Variants in ANKRD44 observed in about 807,000 individuals in gnomAD.
ANKRD44 encodes ankyrin repeat domain 44.
ANKRD44 carries 35 observed loss-of-function variants against 116.0 expected under a neutral mutation model. The ratio of observed to expected loss-of-function variants is 0.30; its 90% CI spans 0.23 to 0.40. The LOEUF (loss-of-function observed/expected upper bound fraction) is 0.40. Among genes scored for constraint, ANKRD44 ranks in the 10% least tolerant of loss-of-function variants. The probability of loss-of-function intolerance (pLI) is 1.00; values close to 1 mark genes in which losing one functional copy is unlikely to be tolerated. For missense variants in ANKRD44, 1,014 were observed against 1,242.6 expected, an observed-to-expected ratio of 0.82 and a Z score of 2.77; for synonymous variants, 435 against 461.8, an observed-to-expected ratio of 0.94 and a Z score of 0.74.
In ANKRD44 at chr2:196,998,931, C is replaced by T. The variant is rs1298035401; in HGVS notation, c.2641G>A (p.Glu881Lys). ...CCCACAGCGCCTGCCTGCCCATTCT[C>T]AGCAGCCATCATCAGTGCTGTTTTC... ...SGKTALMMAA[E>K]NGQAGAVDIL... The change falls in exon 24 of 28, where the codon GAG (glutamate) becomes AAG (lysine). Residue 881 changes from glutamate (E) to lysine (K), a missense_variant. Coordinates refer to ENST00000282272, the MANE Select transcript of ANKRD44 (RefSeq NM_001195144.2). The T allele has an allele frequency of 6.2e-7, 1 of 1,614,200 alleles. No homozygotes were observed. Among genetic ancestry groups the T allele is most frequent in the Non-Finnish European group, 8.5e-7 (1 of 1,180,032 alleles).
chr2:197,066,576 A>G (rs2077438069), intron 16 of ANKRD44, among the ~76,000 whole-genome samples: 1 of 152,236 alleles, frequency 6.6e-6, no homozygotes, highest in Admixed American at 6.5e-5. Context: ...TAAGCTGATA[A>G]GCAACTTCAG....
intron 2 of ANKRD44, among the ~76,000 whole-genome samples, chr2:197,169,039 G>C (rs1200289592): frequency 6.6e-6 from 1 of 152,122 alleles, no homozygotes; most frequent in African/African-American, 2.4e-5. Context: ...TCCTCGCTCA[G>C]CTCTGATGAC....
At chr2:197,170,549 T>C (rs2080207888) in intron 2 of ANKRD44, among the ~76,000 whole-genome samples, 1 of 152,222 alleles carries the variant, frequency 6.6e-6, no homozygotes, top group Admixed American at 6.5e-5. Context: ...ACTGAGTCAC[T>C]GGCAGCAACT....
chr2:197,010,765 C>A (rs756233334), intron 18 of ANKRD44, among the ~76,000 whole-genome samples: 1 of 152,184 alleles, frequency 6.6e-6, no homozygotes, highest in Non-Finnish European at 1.5e-5. Context: ...ATTGTATTTG[C>A]CACATTATGG....
At chr2:197,308,134 G>A (rs2084128449) in intron 1 of ANKRD44, among the ~76,000 whole-genome samples, 1 of 146,766 alleles carries the variant, frequency 6.8e-6, no homozygotes, top group Non-Finnish European at 1.5e-5. Context: ...TCATACTATC[G>A]AGTCAGAGTG....
At position 197,113,920 on chromosome 2, in the gene ANKRD44, T is replaced by C. The variant is rs547140068; in HGVS notation, c.907-3076A>G. Among the ~76,000 whole-genome samples the C allele has an allele frequency of 4.6e-5, 7 of 152,216 alleles. No homozygotes were observed. In the South Asian group the frequency reaches 1.5e-3, roughly 32 times the overall value. On this transcript the variant is annotated intron_variant, in intron 8 of 27. Coordinates refer to ENST00000282272, the MANE Select transcript of ANKRD44 (RefSeq NM_001195144.2). Reference sequence around the variant, plus strand: ...GAAACAGGTAGATAAGGTGGGGAAATTGGGACAGAAAGCATTAAGAGTATC... The same window carrying C: ...GAAACAGGTAGATAAGGTGGGGAAACTGGGACAGAAAGCATTAAGAGTATC...
chr2:197,153,225 C>CAAAAAAAA (rs75600123), intron 2 of ANKRD44, among the ~76,000 whole-genome samples: 7 of 69,324 alleles, frequency 1.0e-4, no homozygotes, highest in African/African-American at 1.8e-4. Context: ...AAGACCCTGC[C>CAAAAAAAA]AAAAAAAAAA....
chr2:197,090,998 C>T lies in ANKRD44; in HGVS notation c.1101-966G>A, dbSNP rs144674322. 3.6e-3 allele frequency among the ~76,000 whole-genome samples: 542 copies of T among 152,308 alleles called. 5 individuals carry two copies. Among genetic ancestry groups the T allele is most frequent in the African/African-American group, 0.013 (524 of 41,560 alleles). ...ATTTGTTCATGAGACCTCATTTTTC[C>T]TGGATGCCAAGCAAGAGCTCAGGAA... On this transcript the variant is annotated intron_variant, in intron 10 of 27. Coordinates refer to ENST00000282272, the MANE Select transcript of ANKRD44 (RefSeq NM_001195144.2).
intron 26 of ANKRD44, 83 bp from the exon 27 acceptor site, chr2:196,993,757 G>A: frequency 8.9e-7 from 1 of 1,126,058 alleles, no homozygotes. Context: ...GTCACTAAAA[G>A]GAAGAAGTAC....
intron 16 of ANKRD44, among the ~76,000 whole-genome samples, chr2:197,072,199 C>T (rs1159136826): frequency 6.6e-6 from 1 of 152,106 alleles, no homozygotes; most frequent in Non-Finnish European, 1.5e-5. Flanking sequence ...CTCTTTAAAA[C>T]AAAAAATCTT....
chr2:197,086,065 T>C (rs1247598461), intron 13 of ANKRD44, among the ~76,000 whole-genome samples: 2 of 151,840 alleles, frequency 1.3e-5, no homozygotes, highest in African/African-American at 2.4e-5. Flanking sequence ...GGAGTTGCCT[T>C]AGACAAGTTG....
intron 16 of ANKRD44, among the ~76,000 whole-genome samples, chr2:197,060,273 T>C (rs866829055): frequency 6.6e-6 from 1 of 152,168 alleles, no homozygotes; most frequent in African/African-American, 2.4e-5. Flanking sequence ...ATCCAGCAGA[T>C]AGAGAAATCA....
intron 6 of ANKRD44, among the ~76,000 whole-genome samples, chr2:197,124,163 A>G (rs2078923536): frequency 6.6e-6 from 1 of 151,548 alleles, no homozygotes; most frequent in Non-Finnish European, 1.5e-5. Context: ...ATCCATGTCA[A>G]CTTTTTTTTT....
chr2:197,155,022 A>G (rs1450919683), intron 2 of ANKRD44, among the ~76,000 whole-genome samples: 2 of 152,224 alleles, frequency 1.3e-5, no homozygotes, highest in Non-Finnish European at 2.9e-5. Flanking sequence ...AGAATCACGC[A>G]CAAGAATTAA....
intron 1 of ANKRD44, among the ~76,000 whole-genome samples, chr2:197,210,838 T>A (rs367917619): frequency 1.2e-4 from 19 of 152,060 alleles, no homozygotes; most frequent in African/African-American, 4.4e-4. Flanking sequence ...GAGAGGCAAA[T>A]GTCCTCCTGC....
rs1266362349 is a variant in ANKRD44, at chr2:197,153,666, AAAGT to A, written c.112-6565_112-6562del. Among the ~76,000 whole-genome samples the A allele has an allele frequency of 5.3e-5, 8 of 152,236 alleles. 1 individual carries two copies. Among genetic ancestry groups the A allele is most frequent in the Non-Finnish European group, 1.5e-5 (1 of 68,038 alleles). On this transcript the variant is annotated intron_variant, in intron 2 of 27. Coordinates refer to ENST00000282272, the MANE Select transcript of ANKRD44 (RefSeq NM_001195144.2). ...ATCTCATAAATACACAGAAATACAG[AAAGT>A]AATAGTCCCATATGTGCCCACCAGC... is the stretch of plus-strand genomic sequence containing the variant.
chr2:197,244,278 T>C (rs72928744), intron 1 of ANKRD44, among the ~76,000 whole-genome samples: 23,522 of 152,212 alleles, frequency 0.15, 2,243 homozygotes, highest in Middle Eastern at 0.29. Context: ...AGCAACTACG[T>C]ATAGTGTAAT....
intron 12 of ANKRD44, among the ~76,000 whole-genome samples, chr2:197,087,987 T>C (rs1245539770): frequency 2.0e-5 from 3 of 152,188 alleles, no homozygotes; most frequent in South Asian, 2.1e-4. Context: ...TTTGGTAATA[T>C]ACAAATGACA....
intron 1 of ANKRD44, among the ~76,000 whole-genome samples, chr2:197,293,292 CAG>C (rs1184554982): frequency 1.3e-5 from 2 of 152,110 alleles, no homozygotes; most frequent in Non-Finnish European, 2.9e-5. Flanking sequence ...CTGAGTTAAC[CAG>C]AGTCTTAGAT....
Sources: allele counts gnomAD v4.1 joint callset (sites outside exome capture counted in the v4.1 genomes callset), GRCh38; gene constraint gnomAD v4.1.1; transcripts MANE v1.5; gene names NCBI Gene and HGNC (gene_info 2026-07-23, HGNC 2026-07-21).